Variants in FAR2 observed in about 807,000 individuals in gnomAD.
FAR2 encodes the protein fatty acyl-CoA reductase 2, also known as epididymis secretory protein Li 81.
Under a neutral mutation model 56.0 loss-of-function variants are expected in FAR2, and 19 were observed. The ratio of observed to expected loss-of-function variants is 0.34; its 90% CI spans 0.24 to 0.50. FAR2 has a LOEUF of 0.50. FAR2 is among the 20% of genes least tolerant of loss of function. FAR2 has a pLI of 0.98. For missense variants in FAR2, 508 were observed against 642.2 expected, an observed-to-expected ratio of 0.79 and a Z score of 2.26; for synonymous variants, 219 against 218.8, an observed-to-expected ratio of 1.00 and a Z score of -0.01.
At chr12:29,204,991 C>T (rs1359507225) in intron 1 of FAR2, among the ~76,000 whole-genome samples, 1 of 152,200 alleles carries the variant, frequency 6.6e-6, no homozygotes, top group Non-Finnish European at 1.5e-5. Flanking sequence ...CAAACCATAT[C>T]AAGCTCTATA....
At chr12:29,306,799 G>A (rs7954871) in intron 4 of FAR2, among the ~76,000 whole-genome samples, 46,976 of 152,020 alleles carry the variant, frequency 0.31, 7,352 homozygotes, top group East Asian at 0.35. Flanking sequence ...TATCTTGTAA[G>A]TAGGAGTAGT....
intron 1 of FAR2, among the ~76,000 whole-genome samples, chr12:29,243,754 G>A (rs1948078574): frequency 1.3e-5 from 2 of 152,118 alleles, no homozygotes. Flanking sequence ...TCTCTTCTAG[G>A]AACTGTTAAA....
At chr12:29,326,602 G>GA (rs1949652208) in intron 10 of FAR2, among the ~76,000 whole-genome samples, 1 of 152,200 alleles carries the variant, frequency 6.6e-6, no homozygotes, top group African/African-American at 2.4e-5. Context: ...TTCAACATAT[G>GA]AAAATCAATA....
intron 7 of FAR2, among the ~76,000 whole-genome samples, chr12:29,311,408 T>G (rs1477435812): frequency 6.6e-6 from 1 of 152,136 alleles, no homozygotes; most frequent in East Asian, 1.9e-4. Flanking sequence ...AAAAGGCTTT[T>G]CTTTCTATTC....
chr12:29,267,423 G>A (rs950969101), intron 1 of FAR2, among the ~76,000 whole-genome samples: 28 of 152,106 alleles, frequency 1.8e-4, no homozygotes, highest in African/African-American at 6.8e-4. Context: ...TTCCTGATAA[G>A]TAACTGAGGC....
chr12:29,188,576 A>G (rs539813229), intron 1 of FAR2, among the ~76,000 whole-genome samples: 23 of 152,300 alleles, frequency 1.5e-4, no homozygotes, highest in Non-Finnish European at 2.5e-4. Context: ...GCATCTTAAT[A>G]TACCATGGTA....
intron 1 of FAR2, among the ~76,000 whole-genome samples, chr12:29,202,061 G>A (rs79130797): frequency 0.039 from 5,904 of 152,116 alleles, 331 homozygotes; most frequent in African/African-American, 0.13. Flanking sequence ...TTTTTAAAAA[G>A]AGGTAATTAA....
chr12:29,245,033 T>C (rs1186762668), intron 1 of FAR2, among the ~76,000 whole-genome samples: 1 of 151,286 alleles, frequency 6.6e-6, no homozygotes, highest in Non-Finnish European at 1.5e-5. Flanking sequence ...CATGCTGGAG[T>C]GCAGTGGCAT....
At chr12:29,327,606 T>A (rs1949670135) in intron 10 of FAR2, among the ~76,000 whole-genome samples, 1 of 152,166 alleles carries the variant, frequency 6.6e-6, no homozygotes. Context: ...GCTGCATATC[T>A]ACAACTATCT....
chr12:29,330,053 T>G (rs1270751533), intron 10 of FAR2, among the ~76,000 whole-genome samples: 1 of 122,804 alleles, frequency 8.1e-6, no homozygotes, highest in East Asian at 2.5e-4. Flanking sequence ...AATACATTTA[T>G]GACTTTTTTT....
chr12:29,273,839 C>T (rs906298582), intron 2 of FAR2, among the ~76,000 whole-genome samples: 3 of 152,122 alleles, frequency 2.0e-5, no homozygotes, highest in Non-Finnish European at 4.4e-5. Flanking sequence ...AAAGCAGTTC[C>T]CCGGGCCGGG....
intron 9 of FAR2, chr12:29,317,677 A>C (rs1191496360): frequency 2.0e-5 from 3 of 152,632 alleles, no homozygotes; most frequent in African/African-American, 7.2e-5. Context: ...GATAATCTTA[A>C]ATATACAATA....
intron 10 of FAR2, among the ~76,000 whole-genome samples, chr12:29,322,799 T>C (rs1435414306): frequency 6.6e-6 from 1 of 152,298 alleles, no homozygotes; most frequent in East Asian, 1.9e-4. Flanking sequence ...GGGGAGTAAA[T>C]ATCAGATGGC....
At chr12:29,215,165 G>A (rs1193500161) in intron 1 of FAR2, among the ~76,000 whole-genome samples, 1 of 152,168 alleles carries the variant, frequency 6.6e-6, no homozygotes, top group East Asian at 1.9e-4. Context: ...AGCTCATGTA[G>A]GATCTTGATG....
chr12:29,214,720 C>A (rs1947599317), intron 1 of FAR2, among the ~76,000 whole-genome samples: 1 of 151,950 alleles, frequency 6.6e-6, no homozygotes, highest in Admixed American at 6.6e-5. Context: ...ACTCAGGAGG[C>A]TGAGGCAGGA....
intron 3 of FAR2, among the ~76,000 whole-genome samples, chr12:29,295,195 C>T (rs1042949458): frequency 6.6e-6 from 1 of 152,070 alleles, no homozygotes; most frequent in Admixed American, 6.6e-5. Flanking sequence ...GCCTCAGCCT[C>T]CCCATGTAGC....
chr12:29,232,884 C>T (rs1003476683), intron 1 of FAR2, among the ~76,000 whole-genome samples: 2 of 151,720 alleles, frequency 1.3e-5, no homozygotes, highest in Non-Finnish European at 2.9e-5. Flanking sequence ...AAATTATTCC[C>T]TTGGCCACAC....
At chr12:29,265,376 A>G (rs1409531801) in intron 1 of FAR2, among the ~76,000 whole-genome samples, 2 of 152,254 alleles carry the variant, frequency 1.3e-5, no homozygotes, top group South Asian at 2.1e-4. Context: ...AAATCCACAC[A>G]CCTACAGTAA....
chr12:29,163,030 G>A (rs1949795691), intron 1 of FAR2, among the ~76,000 whole-genome samples: 3 of 152,210 alleles, frequency 2.0e-5, no homozygotes, highest in African/African-American at 7.2e-5. Context: ...ACATAAATGT[G>A]ATAATGAATA....
Sources: allele counts gnomAD v4.1 joint callset (sites outside exome capture counted in the v4.1 genomes callset), GRCh38; gene constraint gnomAD v4.1.1; transcripts MANE v1.5; gene names NCBI Gene and HGNC (gene_info 2026-07-23, HGNC 2026-07-21).